The following BRWD1 variants were observed in gnomAD, a reference collection of about 807,000 sequenced individuals.
The protein encoded by BRWD1 is bromodomain and WD repeat domain containing 1, also known as bromodomain and WD repeat-containing protein 1.
BRWD1 carries 82 observed loss-of-function variants against 251.2 expected under a neutral mutation model. The observed-to-expected ratio is 0.33, with a 90% CI of 0.27 to 0.39. The LOEUF is 0.39. Ranked by LOEUF, BRWD1 falls within the 10% of genes least tolerant of loss-of-function variation. The pLI is 1.00. For missense variants in BRWD1, 2,233 were observed against 2,711.6 expected (o/e 0.82, Z 3.92); for synonymous variants, 918 against 902.8 (o/e 1.02, Z -0.30).
At chr21:39,232,034 A>G in intron 25 of BRWD1, 143 bp downstream of exon 25, 2 of 776,946 alleles carry the variant, frequency 2.6e-6, no homozygotes, top group Non-Finnish European at 4.1e-6. Context: ...ACAGGATCTT[A>G]AGGTTTGGTT....
At chr21:39,240,912 G>A (rs74659046) in intron 21 of BRWD1, among the ~76,000 whole-genome samples, 1 of 133,762 alleles carries the variant, frequency 7.5e-6, no homozygotes, top group Non-Finnish European at 1.7e-5. Flanking sequence ...TTTTTTTTTT[G>A]TTTTTTGAGA....
At chr21:39,224,366 T>C (rs771057745) in intron 29 of BRWD1, 42 bp downstream of exon 29, 1 of 1,239,340 alleles carries the variant, frequency 8.1e-7, no homozygotes, top group Non-Finnish European at 1.1e-6. Context: ...ATGTACATAT[T>C]ATAAAAATAA....
At position 39,290,644 on chromosome 21, in the gene BRWD1, G is replaced by A. The variant is rs192266391; in HGVS notation, c.831+3167C>T. Among the ~76,000 whole-genome samples, 88 of 152,216 alleles carry A rather than the reference G, an allele frequency of 5.8e-4. 2 individuals carry two copies. The highest frequency in any genetic ancestry group is 2.0e-3 in the African/African-American group (85 of 41,544). On this transcript the variant is annotated intron_variant, in intron 8 of 40. Coordinates refer to ENST00000342449, the MANE Select transcript of BRWD1 (RefSeq NM_033656.4). Reference sequence around the variant, plus strand: ...AGAATTCCAAGATGATTTTAAAACAGGCACTCTCTCAAAGTATAAATTTTC... The same window carrying A: ...AGAATTCCAAGATGATTTTAAAACAAGCACTCTCTCAAAGTATAAATTTTC...
At chr21:39,300,892 A>G (rs905794278) in intron 4 of BRWD1, among the ~76,000 whole-genome samples, 1 of 152,238 alleles carries the variant, frequency 6.6e-6, no homozygotes, top group African/African-American at 2.4e-5. Context: ...TTATTCAAAA[A>G]GCTCAGAGAA....
chr21:39,273,219 C>T (rs1440259024), intron 13 of BRWD1, among the ~76,000 whole-genome samples: 2 of 152,254 alleles, frequency 1.3e-5, no homozygotes, highest in African/African-American at 4.8e-5. Flanking sequence ...ATAGGTGAAA[C>T]TGACTTTAAA....
chr21:39,283,404 C>T (rs2035535007), intron 8 of BRWD1, among the ~76,000 whole-genome samples: 1 of 152,198 alleles, frequency 6.6e-6, no homozygotes. Flanking sequence ...AGACTCCGGT[C>T]AGTATTTTTA....
Position 39,188,623 on chromosome 21 carries a change from G to T in BRWD1, c.*7636C>A. The T allele has an allele frequency of 2.0e-6, 2 of 985,426 alleles. No individual in the cohort carries two copies. Among genetic ancestry groups the T allele is most frequent in the South Asian group, 9.4e-5 (2 of 21,290 alleles). 61.0% of individuals were successfully genotyped at this position (985,426 alleles called of 1,614,324 possible). ...AAAAACTGCTTCTGTGGACTGACAT[G>T]TTCATACAGCTAGACTAATGAGGCA... On this transcript the variant is annotated 3_prime_UTR_variant, in exon 41 of 41. Transcript: ENST00000342449.
At chr21:39,268,942 T>C (rs2035014900) in intron 15 of BRWD1, among the ~76,000 whole-genome samples, 1 of 151,762 alleles carries the variant, frequency 6.6e-6, no homozygotes, top group Non-Finnish European at 1.5e-5. Context: ...GAGTTGAGAT[T>C]GCGCCACTGC....
chr21:39,186,958 A>C lies in BRWD1; in HGVS notation c.*9301T>G, dbSNP rs2031269172. On this transcript the variant is annotated 3_prime_UTR_variant, in exon 41 of 41. Transcript: ENST00000342449. ...AGGGAGTAATTTTAGAGCTGGGAGC[A>C]GAATGTAACTGCCAGTTTACTTGTG... is the stretch of plus-strand genomic sequence containing the variant. The C allele has an allele frequency of 1.3e-6, 2 of 1,500,082 alleles. No individual in the cohort carries two copies. The highest frequency in any genetic ancestry group is 2.5e-5 in the Admixed American group (1 of 40,554). 92.9% of individuals were successfully genotyped at this position (1,500,082 alleles called of 1,614,324 possible).
At chr21:39,291,023 G>A (rs951179047) in intron 8 of BRWD1, among the ~76,000 whole-genome samples, 5 of 152,066 alleles carry the variant, frequency 3.3e-5, no homozygotes, top group Non-Finnish European at 4.4e-5. Flanking sequence ...CTAGCTACTC[G>A]AGAGGTTGAG....
intron 8 of BRWD1, among the ~76,000 whole-genome samples, chr21:39,284,327 G>A (rs1030209413): frequency 6.6e-6 from 1 of 152,042 alleles, no homozygotes; most frequent in Non-Finnish European, 1.5e-5. Flanking sequence ...AAAAAATTAA[G>A]AACTAACTAG....
chr21:39,187,638 G>A lies in BRWD1; in HGVS notation c.*8621C>T. ...AAGGATGTCACTTAAAACAGTAGCA[G>A]ACTTGTAAGAATGGGGTGAAAAGTT... On this transcript the variant is annotated 3_prime_UTR_variant, in exon 41 of 41. Coordinates refer to ENST00000342449, the MANE Select transcript of BRWD1 (RefSeq NM_033656.4). The A allele has an allele frequency of 1.0e-6, 1 of 985,292 alleles. No homozygotes were observed. Among genetic ancestry groups the A allele is most frequent in the East Asian group, 1.1e-4 (1 of 8,820 alleles). The allele number at this position is 985,292 out of a possible 1,614,324, so 61.0% of individuals were successfully genotyped here.
intron 34 of BRWD1, among the ~76,000 whole-genome samples, chr21:39,211,329 T>A (rs985277120): frequency 3.9e-5 from 6 of 152,212 alleles, no homozygotes; most frequent in Admixed American, 3.9e-4. Context: ...CTATGTTGCC[T>A]TACATGAGAA....
chr21:39,194,739 G>A lies in BRWD1; in HGVS notation c.*1520C>T. On this transcript the variant is annotated 3_prime_UTR_variant, in exon 41 of 41. Coordinates refer to ENST00000342449, the MANE Select transcript of BRWD1 (RefSeq NM_033656.4). ...TCTGCCACTTCAAAGATACACAGGA[G>A]AAAAGGTTTTGTCTGAAACCAAACA... The A allele has an allele frequency of 1.3e-6, 2 of 1,535,290 alleles. No homozygotes were observed. The highest frequency in any genetic ancestry group is 1.7e-6 in the Non-Finnish European group (2 of 1,146,058).
At chr21:39,294,089 AAAG>A in intron 7 of BRWD1, 57 bp from the exon 8 acceptor site, 1 of 1,407,356 alleles carries the variant, frequency 7.1e-7, no homozygotes, top group South Asian at 1.2e-5. Flanking sequence ...TTAAATATTA[AAAG>A]AATACCTTTT....
chr21:39,227,416 T>C (rs1172366364), intron 27 of BRWD1, among the ~76,000 whole-genome samples: 5 of 152,118 alleles, frequency 3.3e-5, no homozygotes, highest in African/African-American at 1.2e-4. Flanking sequence ...TTGCTATTAC[T>C]ACCCAGCCTA....
chr21:39,269,856 C>A, intron 15 of BRWD1, 43 bp downstream of exon 15: 1 of 1,402,128 alleles, frequency 7.1e-7, no homozygotes, highest in Non-Finnish European at 9.4e-7. Flanking sequence ...ATACTCTAAA[C>A]AAATTATCAA....
Position 39,194,683 on chromosome 21 carries a change from A to G in BRWD1, c.*1576T>C. On this transcript the variant is annotated 3_prime_UTR_variant, in exon 41 of 41. Coordinates refer to ENST00000342449, the MANE Select transcript of BRWD1 (RefSeq NM_033656.4). ...ATAGGAACACTTCAGAACATTCTCT[A>G]ACATTAATACCAGTCTGATGCTTCG... 2 of 1,534,700 alleles carry G rather than the reference A, an allele frequency of 1.3e-6. No homozygotes were observed. Among genetic ancestry groups the G allele is most frequent in the South Asian group, 2.4e-5 (2 of 84,008 alleles).
Position 39,190,660 on chromosome 21 carries a change from C to T in BRWD1, c.*5599G>A. The T allele has an allele frequency of 2.0e-6, 2 of 985,386 alleles. No individual in the cohort carries two copies. The highest frequency in any genetic ancestry group is 2.4e-6 in the Non-Finnish European group (2 of 829,902). 61.0% of individuals were successfully genotyped at this position (985,386 alleles called of 1,614,324 possible). Reference sequence around the variant, plus strand: ...GCAAATAACATTTATCAATGATCTTCATCCCTCCCAAAGCAGAAGTTTCCA... The same window carrying T: ...GCAAATAACATTTATCAATGATCTTTATCCCTCCCAAAGCAGAAGTTTCCA... On this transcript the variant is annotated 3_prime_UTR_variant, in exon 41 of 41. Transcript: ENST00000342449.
Sources: gnomAD v4.1 joint callset for allele counts (sites outside exome capture counted in the v4.1 genomes callset) on GRCh38, gnomAD v4.1.1 for gene constraint, MANE v1.5 for transcripts, NCBI Gene and HGNC (gene_info 2026-07-23, HGNC 2026-07-21) for gene names.